Variants in KIF24 observed in about 807,000 individuals in gnomAD.
KIF24 encodes the protein kinesin family member 24.
In KIF24, 81 loss-of-function variants were observed where a neutral mutation model predicts 118.9. The ratio of observed to expected loss-of-function variants is 0.68; its 90% CI spans 0.57 to 0.82. The LOEUF is 0.82. Among genes scored for constraint, KIF24 ranks in the 40% least tolerant of loss-of-function variants. The pLI is 0.00. For missense variants in KIF24, 1,560 were observed against 1,661.6 expected (o/e 0.94, Z 1.06); for synonymous variants, 599 against 610.0 (o/e 0.98, Z 0.27).
In KIF24 at chr9:34,256,449, G is replaced by A; in HGVS notation, c.3158C>T (p.Thr1053Ile). The change falls in exon 11 of 13, where the codon ACC becomes ATC. Residue 1053 changes from threonine to isoleucine, a missense_variant. Thr to Ile is a moderately conservative substitution (Grantham distance 89). Transcript: ENST00000402558. ...EYASGLMSPL[T>I]MSLLENPDNE... ...GTCTGGGTTCTCCAGGAGGGACATGGTGAGGGGAGACATGAGTCCAGAAGC... is the reference window on the plus strand; with the variant it reads ...GTCTGGGTTCTCCAGGAGGGACATGATGAGGGGAGACATGAGTCCAGAAGC... 1 of 1,613,902 alleles carries A rather than the reference G, an allele frequency of 6.2e-7. No individual in the cohort carries two copies.
At chr9:34,259,522 T>C in intron 10 of KIF24, 74 bp downstream of exon 10, 3 of 1,094,708 alleles carry the variant, frequency 2.7e-6, no homozygotes, top group Non-Finnish European at 4.2e-6. Context: ...CGTGCACACA[T>C]GCTCACACAC....
At chr9:34,286,838 C>T in intron 5 of KIF24, 134 bp from the exon 6 acceptor site, 1 of 649,884 alleles carries the variant, frequency 1.5e-6, no homozygotes, top group Non-Finnish European at 2.7e-6. Flanking sequence ...GCTTATCCTC[C>T]TCCCAACCCC....
At chr9:34,262,661 A>T (rs1464231287) in intron 9 of KIF24, among the ~76,000 whole-genome samples, 40 of 44,850 alleles carry the variant, frequency 8.9e-4, no homozygotes, top group Non-Finnish European at 1.0e-3. Context: ...AAAAAAAAAA[A>T]AAAAAAAAAA....
At chr9:34,263,074 A>C (rs1427059843) in intron 9 of KIF24, 27 bp downstream of exon 9, 1 of 1,559,506 alleles carries the variant, frequency 6.4e-7, no homozygotes, top group Non-Finnish European at 8.8e-7. Context: ...GAATCAGAAC[A>C]AACTCAAGGC....
At chr9:34,309,956 A>G (rs1837072890) in intron 2 of KIF24, among the ~76,000 whole-genome samples, 1 of 137,252 alleles carries the variant, frequency 7.3e-6, no homozygotes. Context: ...TGTTTAAAAT[A>G]AAACAAGGAG....
At chr9:34,290,433 G>T in intron 4 of KIF24, 44 bp from the exon 5 acceptor site, 1 of 1,227,462 alleles carries the variant, frequency 8.1e-7, no homozygotes, top group Non-Finnish European at 1.2e-6. Flanking sequence ...ATTAAGAGAA[G>T]TATTAGTTTA....
At chr9:34,260,124 T>A (rs914370372) in intron 9 of KIF24, among the ~76,000 whole-genome samples, 2 of 152,124 alleles carry the variant, frequency 1.3e-5, no homozygotes, top group African/African-American at 4.8e-5. Context: ...CTCAAAAGGC[T>A]GAGGCAGGAG....
intron 3 of KIF24, 83 bp from the exon 4 acceptor site, chr9:34,297,197 C>T (rs916224849): frequency 2.7e-6 from 2 of 741,380 alleles, no homozygotes. Context: ...TGATAAATGC[C>T]AAAATATGTC....
chr9:34,262,088 C>T (rs747229241), intron 9 of KIF24, among the ~76,000 whole-genome samples: 33 of 152,070 alleles, frequency 2.2e-4, no homozygotes, highest in Non-Finnish European at 4.0e-4. Context: ...CCCACAGGCA[C>T]GAGCCACCAC....
chr9:34,302,502 G>A (rs1162955795), intron 3 of KIF24, among the ~76,000 whole-genome samples: 3 of 149,040 alleles, frequency 2.0e-5, no homozygotes. Flanking sequence ...GTCTCACTCT[G>A]TTGCCCAGGC....
At position 34,318,457 on chromosome 9, in the gene KIF24, G is replaced by A. The variant is rs1265036417; in HGVS notation, c.-25-7086C>T. On this transcript the variant is annotated intron_variant, in intron 1 of 12. Transcript: ENST00000402558. The surrounding 1 kb of genome is among the most constrained non-coding windows in gnomAD (Gnocchi z 4.9). The stretch of plus-strand genomic sequence containing the variant: ...TCTGCCTCCTGGCGGTGGCCTTGGC[G>A]ACCGAGGTGAAGAAACCTGCAGCCA... 2.7e-6 allele frequency: 2 copies of A among 742,230 alleles called. No homozygotes were observed. Among genetic ancestry groups the A allele is most frequent in the African/African-American group, 1.7e-5 (1 of 58,438 alleles). 46.0% of individuals were successfully genotyped at this position (742,230 alleles called of 1,614,324 possible). A position where few individuals can be genotyped will look rare whatever the true frequency, so the allele number is the denominator to read the frequency against.
chr9:34,277,016 C>A (rs572148398), intron 6 of KIF24, among the ~76,000 whole-genome samples: 1 of 152,158 alleles, frequency 6.6e-6, no homozygotes, highest in East Asian at 1.9e-4. Context: ...GGCTGGGATG[C>A]GATGCTGATG....
chr9:34,316,314 C>T (rs1215614766), intron 1 of KIF24, among the ~76,000 whole-genome samples: 1 of 151,474 alleles, frequency 6.6e-6, no homozygotes, highest in Admixed American at 6.6e-5. Context: ...GCACTCCAGT[C>T]TGGCAATAGA....
chr9:34,293,873 A>G (rs1836354638), intron 4 of KIF24, among the ~76,000 whole-genome samples: 1 of 152,272 alleles, frequency 6.6e-6, no homozygotes, highest in South Asian at 2.1e-4. Flanking sequence ...TGGCTAAAAT[A>G]AGAAAGCCTG....
At chr9:34,326,509 TTGGA>T (rs1837676904) in intron 1 of KIF24, among the ~76,000 whole-genome samples, 1 of 152,162 alleles carries the variant, frequency 6.6e-6, no homozygotes, top group African/African-American at 2.4e-5. Context: ...TTACTTTACA[TTGGA>T]TGATCAGAGA....
At chr9:34,289,149 G>A (rs1248737140) in intron 5 of KIF24, among the ~76,000 whole-genome samples, 2 of 152,148 alleles carry the variant, frequency 1.3e-5, no homozygotes, top group African/African-American at 4.8e-5. Context: ...TGGCATATCT[G>A]AAGGTCCCCT....
intron 2 of KIF24, among the ~76,000 whole-genome samples, chr9:34,307,948 A>C (rs1358560025): frequency 2.0e-5 from 3 of 151,416 alleles, no homozygotes; most frequent in Non-Finnish European, 4.4e-5. Flanking sequence ...CTTCTTTTGC[A>C]TATGTTTGAT....
At chr9:34,295,213 A>ACAGACAGACAGACAGG in intron 4 of KIF24, among the ~76,000 whole-genome samples, 1 of 151,958 alleles carries the variant, frequency 6.6e-6, no homozygotes, top group African/African-American at 2.4e-5. Flanking sequence ...AGACAGACAG[A>ACAGACAGACAGACAGG]CAGACAGACA....
chr9:34,302,771 G>A (rs2131793213), intron 3 of KIF24, among the ~76,000 whole-genome samples: 1 of 145,116 alleles, frequency 6.9e-6, no homozygotes, highest in East Asian at 2.0e-4. Context: ...CTCACCACCA[G>A]CTAATTTTTT....
Sources: gnomAD v4.1 joint callset for allele counts (sites outside exome capture counted in the v4.1 genomes callset) on GRCh38, gnomAD v4.1.1 for gene constraint, Gnocchi (gnomAD v3.1) non-coding constraint, MANE v1.5 for transcripts, NCBI Gene and HGNC (gene_info 2026-07-23, HGNC 2026-07-21) for gene names.